Variants in CORO1C observed in about 807,000 individuals in gnomAD.
CORO1C encodes the protein coronin 1C, also known as coronin-1C.
In CORO1C, 14 loss-of-function variants were observed where a neutral mutation model predicts 51.2. That is an observed-to-expected ratio of 0.27 (90% CI 0.18 to 0.43). The LOEUF (loss-of-function observed/expected upper bound fraction) is 0.43, where lower values mean the gene tolerates loss of function less well. Among genes scored for constraint, CORO1C ranks in the 20% least tolerant of loss-of-function variants. The pLI is 1.00. For synonymous variants in CORO1C, 181 were observed against 210.5 expected, an observed-to-expected ratio of 0.86 and a Z score of 1.21; for missense variants, 417 against 607.8, an observed-to-expected ratio of 0.69 and a Z score of 3.30.
chr12:108,677,447 C>A (rs538188466), intron 3 of CORO1C, among the ~76,000 whole-genome samples: 1 of 152,304 alleles, frequency 6.6e-6, no homozygotes, highest in Admixed American at 6.5e-5. Flanking sequence ...ATGAAAAGGA[C>A]TTTCTTAACC....
chr12:108,661,919 T>C, intron 4 of CORO1C, 110 bp downstream of exon 4: 1 of 1,220,570 alleles, frequency 8.2e-7, no homozygotes, highest in Non-Finnish European at 1.2e-6. Flanking sequence ...GGTTTCCTAA[T>C]AATCTGCTTT....
At chr12:108,713,092 AC>A (rs1052334321) in intron 1 of CORO1C, among the ~76,000 whole-genome samples, 4 of 152,134 alleles carry the variant, frequency 2.6e-5, no homozygotes, top group African/African-American at 7.2e-5. Context: ...AGAAAAAAAA[AC>A]ATGCCTTACC....
intron 2 of CORO1C, among the ~76,000 whole-genome samples, chr12:108,684,842 C>T (rs2034242682): frequency 6.6e-6 from 1 of 151,908 alleles, no homozygotes. Context: ...TTAAGAAATA[C>T]ACCAATGCAT....
In CORO1C at chr12:108,701,200, G is replaced by A. The variant is rs2034857464; in HGVS notation, c.119C>T (p.Ala40Val). 1.2e-6 allele frequency: 2 copies of A among 1,614,138 alleles called. No homozygotes were observed. Among genetic ancestry groups the A allele is most frequent in the Admixed American group, 1.7e-5 (1 of 60,010 alleles). The change falls in exon 2 of 11, where the codon GCT becomes GTT. Residue 40 changes from alanine to valine, a missense_variant. Ala to Val is a moderately conservative substitution (Grantham distance 64). Coordinates refer to ENST00000261401, the MANE Select transcript of CORO1C (RefSeq NM_014325.4). Reference sequence around the variant, plus strand: ...TATGGCAACAAATCTGGGATTGACAGCACAAAAGGAACTATCCCAGGTCAC... The same window carrying A: ...TATGGCAACAAATCTGGGATTGACAACACAAAAGGAACTATCCCAGGTCAC... ...SRVTWDSSFCAVNPRFVAIII... is the reference protein window; with the variant it reads ...SRVTWDSSFCVVNPRFVAIII...
chr12:108,647,858 G>A (rs910595472), intron 10 of CORO1C, among the ~76,000 whole-genome samples: 4 of 152,150 alleles, frequency 2.6e-5, no homozygotes, highest in Non-Finnish European at 4.4e-5. Flanking sequence ...AGTGTCCTAC[G>A]TCCTAACCAC....
chr12:108,675,496 A>T (rs1451656985), intron 3 of CORO1C, among the ~76,000 whole-genome samples: 1 of 152,224 alleles, frequency 6.6e-6, no homozygotes, highest in East Asian at 1.9e-4. Flanking sequence ...GAACGGGGAA[A>T]AAAAAACCCT....
At chr12:108,705,453 C>A (rs2034999289) in intron 1 of CORO1C, among the ~76,000 whole-genome samples, 1 of 95,224 alleles carries the variant, frequency 1.1e-5, no homozygotes. Flanking sequence ...GAGCAAGACC[C>A]TGTCTCAAAA....
chr12:108,718,760 G>A (rs573407663), intron 1 of CORO1C, among the ~76,000 whole-genome samples: 5 of 152,034 alleles, frequency 3.3e-5, no homozygotes, highest in African/African-American at 7.2e-5. Flanking sequence ...CTTCTAAAGC[G>A]AAGGAAAAAA....
At chr12:108,688,795 G>A (rs778742004) in intron 2 of CORO1C, among the ~76,000 whole-genome samples, 47 of 152,032 alleles carry the variant, frequency 3.1e-4, no homozygotes, top group Non-Finnish European at 2.2e-4. Context: ...CAGCACTTTG[G>A]GAAACCAAGG....
chr12:108,662,201 C>CCTT (rs2033294719), intron 3 of CORO1C, 43 bp from the exon 4 acceptor site: 1 of 1,576,632 alleles, frequency 6.3e-7, no homozygotes, highest in Non-Finnish European at 8.7e-7. Context: ...AAAGCTATTG[C>CCTT]CTTTCATTAT....
rs761573773 is a variant in CORO1C at position 108,658,202 on chromosome 12, T to C, written c.630+536A>G. Among the ~76,000 whole-genome samples, 12 of 152,026 alleles carry C rather than the reference T, an allele frequency of 7.9e-5. No homozygotes were observed. The highest frequency in any genetic ancestry group is 1.3e-4 in the Non-Finnish European group (9 of 68,000). ...TCGCCCTGCGCATTTATTTATTTAT[T>C]TATTTATTTATTTTTGTATTTTTAG... On this transcript the variant is annotated intron_variant, in intron 5 of 10. Transcript: ENST00000261401. The surrounding 1 kb of genome is among the most constrained non-coding windows in gnomAD (Gnocchi z 4.9).
intron 2 of CORO1C, among the ~76,000 whole-genome samples, chr12:108,679,484 G>A (rs937234565): frequency 6.6e-5 from 10 of 152,216 alleles, no homozygotes; most frequent in Non-Finnish European, 5.9e-5. Flanking sequence ...ATATGAAAGT[G>A]GTTTCCTTTT....
At chr12:108,712,239 A>T (rs141220526) in intron 1 of CORO1C, among the ~76,000 whole-genome samples, 74 of 152,318 alleles carry the variant, frequency 4.9e-4, no homozygotes, top group African/African-American at 1.8e-3. Context: ...TCCTAAACTC[A>T]GTTATTTAAA....
At chr12:108,661,790 G>A (rs1178902699) in intron 4 of CORO1C, among the ~76,000 whole-genome samples, 1 of 152,078 alleles carries the variant, frequency 6.6e-6, no homozygotes, top group Non-Finnish European at 1.5e-5. Flanking sequence ...TGAAATTATA[G>A]CAGGAAATTC....
At chr12:108,676,282 A>C (rs1268441795) in intron 3 of CORO1C, among the ~76,000 whole-genome samples, 2 of 152,186 alleles carry the variant, frequency 1.3e-5, no homozygotes, top group African/African-American at 4.8e-5. Context: ...AGGTGGTTTC[A>C]TGGTGTTCGC....
At chr12:108,660,052 C>T (rs533122437) in intron 4 of CORO1C, among the ~76,000 whole-genome samples, 6 of 152,286 alleles carry the variant, frequency 3.9e-5, no homozygotes, top group East Asian at 1.9e-4. Context: ...AAGCAAAATA[C>T]GGGAAGGACA....
chr12:108,718,778 A>C (rs2035404123), intron 1 of CORO1C, among the ~76,000 whole-genome samples: 1 of 152,212 alleles, frequency 6.6e-6, no homozygotes, highest in African/African-American at 2.4e-5. Flanking sequence ...AAACAAAACA[A>C]AACACTCAAT....
intron 1 of CORO1C, among the ~76,000 whole-genome samples, chr12:108,718,960 G>A (rs1387422357): frequency 6.6e-6 from 1 of 152,124 alleles, no homozygotes; most frequent in Non-Finnish European, 1.5e-5. Context: ...TATCTCTAGG[G>A]AAGTGAAGAC....
intron 6 of CORO1C, among the ~76,000 whole-genome samples, chr12:108,654,940 A>C (rs2136800435): frequency 6.6e-6 from 1 of 152,276 alleles, no homozygotes; most frequent in African/African-American, 2.4e-5. Context: ...TCCCAGCCTC[A>C]AGTGATCCAG....
Sources: gnomAD v4.1 joint callset for allele counts (sites outside exome capture counted in the v4.1 genomes callset) on GRCh38, gnomAD v4.1.1 for gene constraint, Gnocchi (gnomAD v3.1) non-coding constraint, MANE v1.5 for transcripts, NCBI Gene and HGNC (gene_info 2026-07-23, HGNC 2026-07-21) for gene names.